The following ASAP1 variants were observed in gnomAD, a reference collection of about 807,000 sequenced individuals.
The protein encoded by ASAP1 is arf-GAP with SH3 domain, ANK repeat and PH domain-containing protein 1.
Under a neutral mutation model 145.2 loss-of-function variants are expected in ASAP1, and 43 were observed. The ratio of observed to expected loss-of-function variants is 0.30; its 90% CI spans 0.23 to 0.38. The LOEUF is 0.38. Among genes scored for constraint, ASAP1 ranks in the 10% least tolerant of loss-of-function variants. The probability of loss-of-function intolerance (pLI) is 1.00; values close to 1 mark genes in which losing one functional copy is unlikely to be tolerated. For synonymous variants in ASAP1, 546 were observed against 515.5 expected, an observed-to-expected ratio of 1.06 and a Z score of -0.80; for missense variants, 1,018 against 1,355.3, an observed-to-expected ratio of 0.75 and a Z score of 3.91.
intron 18 of ASAP1, 85 bp downstream of exon 18, chr8:130,123,928 A>C: frequency 3.5e-6 from 1 of 281,786 alleles, no homozygotes; most frequent in Non-Finnish European, 5.5e-6. Flanking sequence ...GCACCCAGCC[A>C]AAAAAAAAAA....
intron 2 of ASAP1, among the ~76,000 whole-genome samples, chr8:130,375,338 A>G (rs1056295346): frequency 6.6e-6 from 1 of 151,738 alleles, no homozygotes; most frequent in African/African-American, 2.4e-5. Flanking sequence ...CTGGGAAGAG[A>G]GGCCCAAGGG....
At position 130,358,454 on chromosome 8, in the gene ASAP1, G is replaced by A. The variant is rs1288763122; in HGVS notation, c.60-311C>T. On this transcript the variant is annotated intron_variant, in intron 2 of 29. Transcript: ENST00000518721. This position sits in a 1 kb window ranked among gnomAD's most constrained non-coding sequence, Gnocchi z 4.1. The stretch of plus-strand genomic sequence containing the variant: ...CGGCGGCAGCTCCTCAGCGGCGGGG[G>A]AGGGGACGCGGCTGCGCGCGGGGTC... Among the ~76,000 whole-genome samples the A allele has an allele frequency of 1.3e-5, 2 of 148,556 alleles. No individual in the cohort carries two copies. Among genetic ancestry groups the A allele is most frequent in the Middle Eastern group, 6.9e-3 (2 of 290 alleles).
chr8:130,229,592 G>A (rs1007772411), intron 4 of ASAP1, among the ~76,000 whole-genome samples: 4 of 152,086 alleles, frequency 2.6e-5, no homozygotes, highest in East Asian at 1.9e-4. Flanking sequence ...ATTGAAGACT[G>A]AAAAGCACAA....
At position 130,356,045 on chromosome 8, in the gene ASAP1, A is replaced by G. The variant is rs1377912797; in HGVS notation, c.186+1972T>C. Among the ~76,000 whole-genome samples, 3 of 152,126 alleles carry G rather than the reference A, an allele frequency of 2.0e-5. No homozygotes were observed. The East Asian group carries it at 5.8e-4, about 29-fold the overall frequency. ...CTACACTTGCATTATAGTTAACTCT[A>G]TTTTTCTACCTAATCTTACAACAGT... On this transcript the variant is annotated intron_variant, in intron 3 of 29. Transcript: ENST00000518721.
rs1469287 is a variant in ASAP1, at chr8:130,214,503, G to A, written c.405+53C>T. ...ATTATTGAAATGTTCTCTATATGAC[G>A]TAATATTTTGGAAAGGCTGTAATTC... On this transcript the variant is annotated intron_variant, in intron 5 of 29. Coordinates refer to ENST00000518721, the MANE Select transcript of ASAP1 (RefSeq NM_018482.4). 7.4e-4 allele frequency: 1,101 copies of A among 1,497,936 alleles called. 18 individuals are homozygous for A. In the Admixed American group the frequency reaches 0.021, roughly 28 times the overall value. 92.8% of individuals were successfully genotyped at this position (1,497,936 alleles called of 1,614,324 possible). A position where few individuals can be genotyped will look rare whatever the true frequency, so the allele number is the denominator to read the frequency against.
chr8:130,181,019 C>G, intron 7 of ASAP1, 139 bp from the exon 8 acceptor site: 1 of 631,026 alleles, frequency 1.6e-6, no homozygotes, highest in Non-Finnish European at 2.4e-6. Context: ...AATTGTACCA[C>G]TCTGGTGGGG....
At chr8:130,204,477 G>A (rs1328653525) in intron 5 of ASAP1, among the ~76,000 whole-genome samples, 2 of 152,136 alleles carry the variant, frequency 1.3e-5, no homozygotes, top group African/African-American at 2.4e-5. Flanking sequence ...GGGCTGCTGT[G>A]AGGAGTAAAT....
intron 5 of ASAP1, among the ~76,000 whole-genome samples, chr8:130,206,468 A>G: frequency 6.6e-6 from 1 of 152,124 alleles, no homozygotes; most frequent in East Asian, 1.9e-4. Flanking sequence ...AAAAAAAACA[A>G]CTTTAACACA....
At position 130,399,912 on chromosome 8, in the gene ASAP1, C is replaced by T. The variant is rs978240361; in HGVS notation, c.59+1973G>A. Among the ~76,000 whole-genome samples, 14 of 149,820 alleles carry T rather than the reference C, an allele frequency of 9.3e-5. No individual in the cohort carries two copies. The South Asian group carries it at 2.1e-3, about 23-fold the overall frequency. On this transcript the variant is annotated intron_variant, in intron 2 of 29. Coordinates refer to ENST00000518721, the MANE Select transcript of ASAP1 (RefSeq NM_018482.4). ...TCGGCTCACCAAAACCTCTGCCTCGCGGGTTCAAGAGATTCTCCTGCCTCA... is the reference window on the plus strand; with the variant it reads ...TCGGCTCACCAAAACCTCTGCCTCGTGGGTTCAAGAGATTCTCCTGCCTCA...
intron 15 of ASAP1, among the ~76,000 whole-genome samples, chr8:130,131,072 G>C (rs2097582222): frequency 6.6e-6 from 1 of 152,036 alleles, no homozygotes; most frequent in African/African-American, 2.4e-5. Flanking sequence ...CAGCAGAATT[G>C]CTTGAACCCG....
chr8:130,136,904 G>C, intron 14 of ASAP1, 47 bp downstream of exon 14: 2 of 1,478,864 alleles, frequency 1.4e-6, no homozygotes, highest in Non-Finnish European at 1.9e-6. Flanking sequence ...AAATGTGCAG[G>C]TGTCAGAAGC....
chr8:130,215,857 C>T (rs1009445779), intron 4 of ASAP1, among the ~76,000 whole-genome samples: 3 of 150,884 alleles, frequency 2.0e-5, no homozygotes, highest in Non-Finnish European at 1.5e-5. Context: ...ACTGGGAAGT[C>T]GAGGCTACAG....
chr8:130,306,102 GA>G (rs2137480602), intron 3 of ASAP1, among the ~76,000 whole-genome samples: 1 of 152,282 alleles, frequency 6.6e-6, no homozygotes, highest in South Asian at 2.1e-4. Flanking sequence ...CCTTCAGCAA[GA>G]AGGTTAACTA....
chr8:130,279,028 A>G (rs1821096589), intron 3 of ASAP1, among the ~76,000 whole-genome samples: 1 of 152,210 alleles, frequency 6.6e-6, no homozygotes, highest in Admixed American at 6.5e-5. Flanking sequence ...TGTTATTGAA[A>G]GTGATACCCT....
rs765971734 is a variant in ASAP1 at position 130,134,283 on chromosome 8, C to G, written c.1217+13G>C. 3 of 1,567,418 alleles carry G rather than the reference C, an allele frequency of 1.9e-6. No homozygotes were observed. The highest frequency in any genetic ancestry group is 2.6e-6 in the Non-Finnish European group (3 of 1,154,598). On this transcript the variant is annotated intron_variant, in intron 15 of 29. Transcript: ENST00000518721. ...AATCCAAGGCATCGCACCTTTATTT[C>G]AAAACTACTTACGCTACATAATCCT...
At chr8:130,172,507 A>G (rs1813657926) in intron 9 of ASAP1, among the ~76,000 whole-genome samples, 1 of 152,164 alleles carries the variant, frequency 6.6e-6, no homozygotes, top group African/African-American at 2.4e-5. Context: ...TTTCAATGAG[A>G]ATGCTCTACA....
intron 1 of ASAP1, among the ~76,000 whole-genome samples, chr8:130,408,516 T>C (rs1057413706): frequency 2.0e-5 from 3 of 152,170 alleles, no homozygotes; most frequent in African/African-American, 7.2e-5. Context: ...TTTTAGACCT[T>C]CGGGCTAGGA....
intron 15 of ASAP1, among the ~76,000 whole-genome samples, chr8:130,131,627 A>G (rs1055640314): frequency 6.7e-6 from 1 of 150,226 alleles, no homozygotes; most frequent in East Asian, 2.0e-4. Context: ...AAAAAAAAAA[A>G]AAAGAAATGA....
intron 4 of ASAP1, among the ~76,000 whole-genome samples, chr8:130,228,022 C>G (rs974593606): frequency 3.3e-5 from 5 of 152,116 alleles, no homozygotes; most frequent in Admixed American, 1.3e-4. Flanking sequence ...TATTGTTAGA[C>G]ACTATCAACT....
Sources: gnomAD v4.1 joint callset for allele counts (sites outside exome capture counted in the v4.1 genomes callset) on GRCh38, gnomAD v4.1.1 for gene constraint, Gnocchi (gnomAD v3.1) non-coding constraint, MANE v1.5 for transcripts, NCBI Gene and HGNC (gene_info 2026-07-23, HGNC 2026-07-21) for gene names.